The following MGA variants were observed in gnomAD, a reference collection of about 807,000 sequenced individuals.
MGA encodes the protein MAX gene-associated protein.
Under a neutral mutation model 261.1 loss-of-function variants are expected in MGA, and 40 were observed. The observed-to-expected ratio is 0.15, with a 90% CI of 0.12 to 0.20. The LOEUF (loss-of-function observed/expected upper bound fraction) is 0.20. Among genes scored for constraint, MGA ranks in the 10% least tolerant of loss-of-function variants. The pLI is 1.00. For missense variants in MGA, 3,397 were observed against 3,630.5 expected (o/e 0.94, Z 1.65); for synonymous variants, 1,302 against 1,290.6 (o/e 1.01, Z -0.19).
At chr15:41,729,131 T>C (rs367899321) in intron 10 of MGA, 33 bp from the exon 11 acceptor site, 13 of 1,594,916 alleles carry the variant, frequency 8.2e-6, no homozygotes, top group Non-Finnish European at 8.5e-6. Flanking sequence ...TTTTTCCCAC[T>C]GTATGGAATA....
intron 12 of MGA, among the ~76,000 whole-genome samples, chr15:41,735,686 A>G (rs1390930430): frequency 2.6e-5 from 4 of 151,870 alleles, no homozygotes; most frequent in Admixed American, 2.0e-4. Context: ...GCAGTGAGCT[A>G]TCACGCCTCT....
At chr15:41,655,479 G>A (rs980631801), upstream of MGA, among the ~76,000 whole-genome samples, 6 of 152,098 alleles carry the variant, frequency 3.9e-5, no homozygotes, top group East Asian at 3.9e-4. Flanking sequence ...GGCTTTTCCC[G>A]TATACTTTAA....
intron 23 of MGA, among the ~76,000 whole-genome samples, chr15:41,765,599 C>G (rs1250475509): frequency 1.3e-5 from 2 of 152,208 alleles, no homozygotes; most frequent in Non-Finnish European, 2.9e-5. Flanking sequence ...TTCCTTGTCT[C>G]TACCTGTTGC....
intron 9 of MGA, among the ~76,000 whole-genome samples, chr15:41,718,931 A>G (rs998494368): frequency 1.3e-5 from 2 of 152,080 alleles, no homozygotes; most frequent in Admixed American, 6.6e-5. Context: ...GGGCATGATA[A>G]AGAGAGAGGT....
rs75993531 is a variant in MGA, at chr15:41,732,779, C to T, written c.3844-1743C>T. On this transcript the variant is annotated intron_variant, in intron 11 of 23. Coordinates refer to ENST00000219905, the MANE Select transcript of MGA (RefSeq NM_001164273.2). Reference sequence around the variant, plus strand: ...AAATCTGCTATTAATACATTAACTACGTAGATTAAATGGAAACTGCCATTA... The same window carrying T: ...AAATCTGCTATTAATACATTAACTATGTAGATTAAATGGAAACTGCCATTA... Among the ~76,000 whole-genome samples the T allele has an allele frequency of 8.9e-4, 136 of 152,276 alleles. 3 individuals are homozygous for T. The East Asian group carries it at 0.025, about 28-fold the overall frequency.
intron 11 of MGA, among the ~76,000 whole-genome samples, chr15:41,733,922 C>CTTT (rs143496306): frequency 6.2e-4 from 90 of 145,212 alleles, no homozygotes; most frequent in Middle Eastern, 3.4e-3. Flanking sequence ...TTGTTTCTTT[C>CTTT]TTTTTTTTTT....
intron 1 of MGA, among the ~76,000 whole-genome samples, chr15:41,643,639 A>AT (rs1246099414): frequency 1.3e-5 from 2 of 151,616 alleles, no homozygotes; most frequent in African/African-American, 2.4e-5. Context: ...GTTTGCAAAT[A>AT]TTTTTTCCTT....
At chr15:41,654,908 A>G (rs553927942) in intron 1 of MGA, among the ~76,000 whole-genome samples, 2 of 152,228 alleles carry the variant, frequency 1.3e-5, no homozygotes, top group Admixed American at 1.3e-4. Context: ...AGATGAATAT[A>G]TAACAGATGG....
intron 11 of MGA, among the ~76,000 whole-genome samples, chr15:41,729,714 A>C (rs1387964513): frequency 6.6e-6 from 1 of 151,976 alleles, no homozygotes; most frequent in Non-Finnish European, 1.5e-5. Flanking sequence ...TGTAATCCCA[A>C]CTACCTGGGG....
Position 41,762,124 on chromosome 15 carries a change from T to TA in MGA, c.7511-4dup, listed in dbSNP as rs2063496037. 1 of 1,603,326 alleles carries TA rather than the reference T, an allele frequency of 6.2e-7. No individual in the cohort carries two copies. Among genetic ancestry groups the TA allele is most frequent in the Non-Finnish European group, 8.5e-7 (1 of 1,171,848 alleles). On this transcript the variant is annotated splice_region_variant and splice_polypyrimidine_tract_variant and intron_variant, in intron 21 of 23. Coordinates refer to ENST00000219905, the MANE Select transcript of MGA (RefSeq NM_001164273.2). Reference sequence around the variant, plus strand: ...AAAGTGCTAATGTATTCTGTTAACTTACAGGTAAGACAGAAGAAGTGGTCC... The same window carrying TA: ...AAAGTGCTAATGTATTCTGTTAACTTAACAGGTAAGACAGAAGAAGTGGTCC...
intron 2 of MGA, among the ~76,000 whole-genome samples, chr15:41,675,126 A>G (rs2058306384): frequency 6.6e-6 from 1 of 152,220 alleles, no homozygotes; most frequent in African/African-American, 2.4e-5. Flanking sequence ...TCTTTGGTGG[A>G]CATACGCACT....
At chr15:41,621,819 G>C (rs986732699) in intron 1 of MGA, among the ~76,000 whole-genome samples, 1 of 152,216 alleles carries the variant, frequency 6.6e-6, no homozygotes, top group Non-Finnish European at 1.5e-5. Flanking sequence ...GTTCACTGAG[G>C]TTCGACCGGG....
intron 2 of MGA, chr15:41,684,802 T>C (rs985073173): frequency 7.1e-5 from 11 of 154,202 alleles, no homozygotes; most frequent in African/African-American, 2.7e-4. Context: ...GTGATATACA[T>C]AAGAACTGAG....
intron 5 of MGA, among the ~76,000 whole-genome samples, chr15:41,704,090 G>A (rs2059989451): frequency 6.6e-6 from 1 of 152,158 alleles, no homozygotes; most frequent in African/African-American, 2.4e-5. Flanking sequence ...TGGGATTATA[G>A]GCATGAGCCA....
At chr15:41,622,077 T>C (rs939683889) in intron 1 of MGA, among the ~76,000 whole-genome samples, 1 of 152,120 alleles carries the variant, frequency 6.6e-6, no homozygotes, top group Non-Finnish European at 1.5e-5. Flanking sequence ...TGCCTTCGAC[T>C]GCGCCGGCCT....
rs112739974 is a variant in MGA, at chr15:41,688,942, G to A, written c.1065-7133G>A. The stretch of plus-strand genomic sequence containing the variant: ...TATTATGTCCACACATGGGGGGAGC[G>A]GGGGATGTCTCTCTTCCTCTTCTTA... On this transcript the variant is annotated intron_variant, in intron 2 of 23. Transcript: ENST00000219905. 6.8e-3 allele frequency among the ~76,000 whole-genome samples: 1,032 copies of A among 152,084 alleles called. 15 individuals are homozygous for A. Among genetic ancestry groups the A allele is most frequent in the African/African-American group, 0.023 (960 of 41,486 alleles).
In MGA at chr15:41,710,962, G is replaced by A; in HGVS notation, c.2697G>A (p.Lys899=). The A allele has an allele frequency of 6.2e-7, 1 of 1,613,940 alleles. No homozygotes were observed. The highest frequency in any genetic ancestry group is 8.5e-7 in the Non-Finnish European group (1 of 1,179,882). The change falls in exon 8 of 24, where the codon AAG becomes AAA. Residue 899 remains lysine, a synonymous_variant. Coordinates refer to ENST00000219905, the MANE Select transcript of MGA (RefSeq NM_001164273.2). ...TACCCCCTGTCTCTCGAAAGGCAAA[G>A]TCTCAAAACAGACAGGCAACTTTCA...
intron 1 of MGA, among the ~76,000 whole-genome samples, chr15:41,643,042 A>G (rs1566929332): frequency 6.7e-6 from 1 of 150,108 alleles, no homozygotes. Flanking sequence ...CCTTCCAATT[A>G]TAGGCATGTG....
intron 1 of MGA, among the ~76,000 whole-genome samples, chr15:41,630,847 C>T (rs1257776288): frequency 6.6e-6 from 1 of 152,128 alleles, no homozygotes; most frequent in Non-Finnish European, 1.5e-5. Context: ...GCAGTACTCA[C>T]CCCAGGAATG....
Sources: allele counts gnomAD v4.1 joint callset (sites outside exome capture counted in the v4.1 genomes callset), GRCh38; gene constraint gnomAD v4.1.1; transcripts MANE v1.5; gene names NCBI Gene and HGNC (gene_info 2026-07-23, HGNC 2026-07-21).